Variants in C1orf198 observed in about 807,000 individuals in gnomAD.
C1orf198 encodes chromosome 1 open reading frame 198, also known as uncharacterized protein C1orf198.
C1orf198 carries 17 observed loss-of-function variants against 31.4 expected under a neutral mutation model. The ratio of observed to expected loss-of-function variants is 0.54; its 90% confidence interval spans 0.37 to 0.81. The LOEUF is 0.81. Among genes scored for constraint, C1orf198 ranks in the 40% least tolerant of loss-of-function variants. The pLI is 0.00. For synonymous variants in C1orf198, 175 were observed against 193.8 expected (o/e 0.90, Z 0.81); for missense variants, 401 against 450.3 (o/e 0.89, Z 0.99).
At position 230,837,783 on chromosome 1, in the gene C1orf198, TA is replaced by T. The variant is rs1367727447; in HGVS notation, c.*2068del. On this transcript the variant is annotated 3_prime_UTR_variant, in exon 4 of 4. Transcript: ENST00000366663. ...ATTTAATCTCAGGAGGCTATACCAT[TA>T]AGAAACATTATTAGAGTTATTGCTG... 1.3e-5 allele frequency: 2 copies of T among 152,180 alleles called. No homozygotes were observed. Among genetic ancestry groups the T allele is most frequent in the South Asian group, 4.1e-4 (2 of 4,820 alleles). The allele number at this position is 152,180 out of a possible 1,614,324, so 9.4% of individuals were successfully genotyped here. A position where few individuals can be genotyped will look rare whatever the true frequency, so the allele number is the denominator to read the frequency against.
chr1:230,851,566 A>G (rs764698243), intron 2 of C1orf198, among the ~76,000 whole-genome samples: 5 of 150,152 alleles, frequency 3.3e-5, no homozygotes, highest in Non-Finnish European at 7.4e-5. Flanking sequence ...ACAGGAATGC[A>G]ACATTAGGTC....
chr1:230,868,481 G>A lies in C1orf198; in HGVS notation c.32C>T (p.Ser11Leu). Residue 11 changes from serine to leucine, a missense_variant, in exon 1 of 4, where the codon TCG becomes TTG. By Grantham distance (145) the Ser-to-Leu change is moderately radical. Coordinates refer to ENST00000366663, the MANE Select transcript of C1orf198 (RefSeq NM_032800.3). MASMAAAIAA[S>L]RSAVMSGNRP... ...GTTCCCGCTCATGACCGCCGAGCGC[G>A]AAGCCGCGATCGCCGCCGCCATGGA... The A allele has an allele frequency of 1.3e-6, 2 of 1,502,924 alleles. No homozygotes were observed. Among genetic ancestry groups the A allele is most frequent in the Non-Finnish European group, 1.8e-6 (2 of 1,118,592 alleles). The allele number at this position is 1,502,924 out of a possible 1,614,324, so 93.1% of individuals were successfully genotyped here. A position where few individuals can be genotyped will look rare whatever the true frequency, so the allele number is the denominator to read the frequency against.
chr1:230,860,042 G>A (rs928291180), intron 1 of C1orf198, among the ~76,000 whole-genome samples: 2 of 152,254 alleles, frequency 1.3e-5, no homozygotes, highest in South Asian at 2.1e-4. Flanking sequence ...AACGAGAGCT[G>A]ATTGTAAAAT....
At chr1:230,848,342 A>C (rs1264755423) in intron 2 of C1orf198, among the ~76,000 whole-genome samples, 1 of 152,218 alleles carries the variant, frequency 6.6e-6, no homozygotes, top group Non-Finnish European at 1.5e-5. Context: ...CTCCTTTAAC[A>C]AAACAGCCCT....
At chr1:230,851,621 T>C (rs1390260812) in intron 2 of C1orf198, among the ~76,000 whole-genome samples, 4 of 152,044 alleles carry the variant, frequency 2.6e-5, no homozygotes, top group Non-Finnish European at 4.4e-5. Context: ...AGCTGATAGA[T>C]GAGTGGAAAA....
At chr1:230,863,131 C>T (rs913969153) in intron 1 of C1orf198, among the ~76,000 whole-genome samples, 7 of 152,152 alleles carry the variant, frequency 4.6e-5, no homozygotes, top group African/African-American at 1.7e-4. Flanking sequence ...ATATTTTTAA[C>T]TCTGCTGAGA....
At chr1:230,853,950 C>T (rs768319369) in intron 2 of C1orf198, among the ~76,000 whole-genome samples, 1 of 152,174 alleles carries the variant, frequency 6.6e-6, no homozygotes, top group Non-Finnish European at 1.5e-5. Flanking sequence ...GTGCTTGTAT[C>T]AGTGGCCACT....
chr1:230,840,407 T>G lies in C1orf198; in HGVS notation c.928-499A>C, dbSNP rs1478572466. ...TCTTGTGAAAGGTTATGAAGTGATTTTCCCAAACTCTAAGCTCAGCCTCCG... is the reference window on the plus strand; with the variant it reads ...TCTTGTGAAAGGTTATGAAGTGATTGTCCCAAACTCTAAGCTCAGCCTCCG... On this transcript the variant is annotated intron_variant, in intron 3 of 3. Transcript: ENST00000366663. The surrounding 1 kb of genome is among the most constrained non-coding windows in gnomAD (Gnocchi z 4.0). Among the ~76,000 whole-genome samples the G allele has an allele frequency of 1.3e-5, 2 of 152,228 alleles. No individual in the cohort carries two copies. Among genetic ancestry groups the G allele is most frequent in the South Asian group, 2.1e-4 (1 of 4,834 alleles).
At chr1:230,868,050 C>CCCCCCA in intron 1 of C1orf198, 130 bp downstream of exon 1, 1 of 990,248 alleles carries the variant, frequency 1.0e-6, no homozygotes, top group Non-Finnish European at 1.3e-6. Flanking sequence ...CTCCCACCCA[C>CCCCCCA]TGCCATTCCT....
chr1:230,863,660 T>A (rs1417218134), intron 1 of C1orf198, among the ~76,000 whole-genome samples: 2 of 152,118 alleles, frequency 1.3e-5, no homozygotes, highest in Non-Finnish European at 2.9e-5. Flanking sequence ...CTGCCTGAGC[T>A]CCCAGGGCAG....
chr1:230,850,796 C>T (rs1669720969), intron 2 of C1orf198, among the ~76,000 whole-genome samples: 1 of 151,900 alleles, frequency 6.6e-6, no homozygotes, highest in South Asian at 2.1e-4. Context: ...TCTCAGAAGC[C>T]CCGTGACTGG....
intron 2 of C1orf198, among the ~76,000 whole-genome samples, chr1:230,849,431 C>G (rs1252614035): frequency 2.0e-5 from 3 of 152,182 alleles, no homozygotes; most frequent in Non-Finnish European, 4.4e-5. Context: ...ATAGGAGAGT[C>G]CACAAGGAAG....
upstream of C1orf198, chr1:230,868,618 T>A: frequency 1.3e-6 from 1 of 791,422 alleles, no homozygotes; most frequent in Non-Finnish European, 1.4e-6. Context: ...AACCCCGCCC[T>A]GCACCGCCGC....
rs186171485 is a variant in C1orf198 at position 230,857,904 on chromosome 1, C to T, written c.334-2186G>A. Among the ~76,000 whole-genome samples the T allele has an allele frequency of 1.3e-4, 20 of 152,358 alleles. No homozygotes were observed. The highest frequency in any genetic ancestry group is 4.6e-4 in the African/African-American group (19 of 41,594). On this transcript the variant is annotated intron_variant, in intron 1 of 3. Transcript: ENST00000366663. The surrounding 1 kb of genome is among the most constrained non-coding windows in gnomAD (Gnocchi z 4.2). The stretch of plus-strand genomic sequence containing the variant: ...TGCACAGTAAGATGACCCCCATCCT[C>T]AGAGTGTTACAGTCACTGTCCTGTA...
intron 3 of C1orf198, among the ~76,000 whole-genome samples, chr1:230,842,446 C>A (rs1669465814): frequency 6.6e-6 from 1 of 152,134 alleles, no homozygotes; most frequent in African/African-American, 2.4e-5. Context: ...CTGCAGCGAC[C>A]TGGATGTAAT....
chr1:230,849,231 AAGG>A (rs1669669444), intron 2 of C1orf198, among the ~76,000 whole-genome samples: 1 of 152,202 alleles, frequency 6.6e-6, no homozygotes, highest in Non-Finnish European at 1.5e-5. Flanking sequence ...GCTCTTGAGA[AAGG>A]AGGTCATGCC....
intron 3 of C1orf198, among the ~76,000 whole-genome samples, chr1:230,841,153 G>C (rs1436974218): frequency 6.6e-6 from 1 of 152,176 alleles, no homozygotes; most frequent in Non-Finnish European, 1.5e-5. Context: ...CTGTAAGGAG[G>C]AGCTGATGGG....
intron 2 of C1orf198, among the ~76,000 whole-genome samples, chr1:230,853,874 G>C (rs1558140025): frequency 6.6e-6 from 1 of 152,170 alleles, no homozygotes; most frequent in South Asian, 2.1e-4. Context: ...CAAGTGGACT[G>C]TACTTGCTCT....
At chr1:230,844,168 T>A (rs948174079) in intron 2 of C1orf198, among the ~76,000 whole-genome samples, 1 of 151,954 alleles carries the variant, frequency 6.6e-6, no homozygotes, top group African/African-American at 2.4e-5. Flanking sequence ...CGAACTGTAA[T>A]CCCCAGTGCT....
Sources: gnomAD v4.1 joint callset for allele counts (sites outside exome capture counted in the v4.1 genomes callset) on GRCh38, gnomAD v4.1.1 for gene constraint, Gnocchi (gnomAD v3.1) non-coding constraint, MANE v1.5 for transcripts, NCBI Gene and HGNC (gene_info 2026-07-23, HGNC 2026-07-21) for gene names.